Variants in FNDC3A observed in about 807,000 individuals in gnomAD.
FNDC3A encodes the protein fibronectin type III domain containing 3A.
FNDC3A carries 32 observed loss-of-function variants against 148.9 expected under a neutral mutation model. The ratio of observed to expected loss-of-function variants is 0.21; its 90% CI spans 0.16 to 0.29. The LOEUF is 0.29. FNDC3A is among the 10% of genes least tolerant of loss of function. FNDC3A has a pLI of 1.00. For missense variants in FNDC3A, 1,191 were observed against 1,452.8 expected (o/e 0.82, Z 2.93); for synonymous variants, 472 against 473.6 (o/e 1.00, Z 0.04).
intron 8 of FNDC3A, among the ~76,000 whole-genome samples, chr13:49,150,268 G>C (rs889440119): frequency 6.6e-6 from 1 of 151,710 alleles, no homozygotes; most frequent in Non-Finnish European, 1.5e-5. Context: ...ACTGCACCTG[G>C]CTGTCTGCTC....
intron 2 of FNDC3A, among the ~76,000 whole-genome samples, chr13:49,052,183 A>G (rs555586961): frequency 2.6e-4 from 40 of 152,160 alleles, no homozygotes; most frequent in African/African-American, 9.4e-4. Context: ...TTTTCTGGCA[A>G]TGCAGAGCTT....
At chr13:49,153,570 G>GT in intron 8 of FNDC3A, among the ~76,000 whole-genome samples, 1 of 152,308 alleles carries the variant, frequency 6.6e-6, no homozygotes, top group South Asian at 2.1e-4. Context: ...TGCTTTTGGT[G>GT]TTTTAGACAG....
rs957123610 is a variant in FNDC3A, at chr13:49,037,435, A to G, written c.99+31146A>G. ...CAAGGCACAGAGGATTTTCTCCTTT[A>G]TTATTGCTATCAACCACCAGCAAAC... is the stretch of plus-strand genomic sequence containing the variant. On this transcript the variant is annotated intron_variant, in intron 2 of 25. Transcript: ENST00000492622. Among the ~76,000 whole-genome samples, 5 of 152,298 alleles carry G rather than the reference A, an allele frequency of 3.3e-5. No homozygotes were observed. In the South Asian group the frequency reaches 1.0e-3, roughly 32 times the overall value.
At position 49,136,377 on chromosome 13, in the gene FNDC3A, C is replaced by G. The variant is rs1882358282; in HGVS notation, c.536C>G (p.Ser179Cys). Residue 179 changes from serine to cysteine, a missense_variant, in exon 6 of 26, where the codon TCT (serine) becomes TGT (cysteine). Ser to Cys is a moderately radical substitution (Grantham distance 112, BLOSUM62 -1). Transcript: ENST00000492622. ...HGRSNFRDER[S>C]SKTYERLQKK... Reference sequence around the variant, plus strand: ...AGGTCCAACTTTAGAGATGAACGATCTAGTAAAACATATGAACGTTTGCAG... The same window carrying G: ...AGGTCCAACTTTAGAGATGAACGATGTAGTAAAACATATGAACGTTTGCAG... 1 of 1,613,914 alleles carries G rather than the reference C, an allele frequency of 6.2e-7. No homozygotes were observed. Among genetic ancestry groups the G allele is most frequent in the Non-Finnish European group, 8.5e-7 (1 of 1,179,956 alleles).
intron 2 of FNDC3A, among the ~76,000 whole-genome samples, chr13:49,049,811 C>T (rs1362707674): frequency 1.3e-5 from 2 of 152,106 alleles, no homozygotes; most frequent in East Asian, 3.9e-4. Context: ...CCTCTGCCTC[C>T]CATGTTCAAG....
chr13:49,068,481 C>G (rs1044990292), intron 2 of FNDC3A, among the ~76,000 whole-genome samples: 2 of 152,112 alleles, frequency 1.3e-5, no homozygotes, highest in African/African-American at 4.8e-5. Flanking sequence ...GTGGAATCAA[C>G]CATTGTGGCG....
At chr13:49,049,190 T>C (rs1254065448) in intron 2 of FNDC3A, among the ~76,000 whole-genome samples, 2 of 152,232 alleles carry the variant, frequency 1.3e-5, no homozygotes, top group Non-Finnish European at 2.9e-5. Flanking sequence ...CTTTTTAATA[T>C]GATGTTGGAT....
intron 19 of FNDC3A, among the ~76,000 whole-genome samples, chr13:49,194,635 C>T (rs1886059539): frequency 6.6e-6 from 1 of 151,862 alleles, no homozygotes; most frequent in Non-Finnish European, 1.5e-5. Flanking sequence ...AGACTTTAAA[C>T]ATTTGATTTT....
At chr13:49,005,994 G>T (rs1196922991) in intron 1 of FNDC3A, among the ~76,000 whole-genome samples, 158 bp from the exon 2 acceptor site, 1 of 151,754 alleles carries the variant, frequency 6.6e-6, no homozygotes, top group Non-Finnish European at 1.5e-5. Flanking sequence ...TCCTTAAATG[G>T]CTTATTGATT....
rs372437012 is a variant in FNDC3A at position 49,187,034 on chromosome 13, C to A, written c.1757-88C>A. On this transcript the variant is annotated intron_variant, in intron 15 of 25. Coordinates refer to ENST00000492622, the MANE Select transcript of FNDC3A (RefSeq NM_001079673.2). The stretch of plus-strand genomic sequence containing the variant: ...TGCAGGTGATTTTTTTTTTTTAAAC[C>A]TAGTTTGGTATTCTGTTTATTAGGT... 4.6e-6 allele frequency: 4 copies of A among 876,104 alleles called. No individual in the cohort carries two copies. In the African/African-American group the frequency reaches 5.2e-5, roughly 11 times the overall value. The allele number at this position is 876,104 out of a possible 1,614,324, so 54.3% of individuals were successfully genotyped here.
chr13:49,100,404 C>T (rs927691520), intron 3 of FNDC3A, among the ~76,000 whole-genome samples: 3 of 152,094 alleles, frequency 2.0e-5, no homozygotes, highest in Non-Finnish European at 4.4e-5. Context: ...CACCAGAGCT[C>T]AGCCAGCCTG....
chr13:49,156,028 A>T (rs1210711742), intron 8 of FNDC3A, among the ~76,000 whole-genome samples: 1 of 121,888 alleles, frequency 8.2e-6, no homozygotes. Context: ...TGTAGATGTC[A>T]ATTAGGTCCG....
chr13:49,181,276 G>A (rs1320105611), intron 14 of FNDC3A, among the ~76,000 whole-genome samples: 1 of 152,212 alleles, frequency 6.6e-6, no homozygotes, highest in Non-Finnish European at 1.5e-5. Context: ...CTGGATAAAA[G>A]GAAGGGGGCT....
chr13:49,145,469 G>T (rs1200177998), intron 7 of FNDC3A, among the ~76,000 whole-genome samples: 1 of 152,072 alleles, frequency 6.6e-6, no homozygotes, highest in Non-Finnish European at 1.5e-5. Flanking sequence ...CATTTTCTAA[G>T]CTGAGGAAAT....
chr13:49,127,343 C>T (rs1881763273), intron 4 of FNDC3A, among the ~76,000 whole-genome samples: 2 of 152,176 alleles, frequency 1.3e-5, no homozygotes, highest in Admixed American at 1.3e-4. Flanking sequence ...TTTCTGTATT[C>T]CCCTTTGCAG....
chr13:49,058,122 G>T (rs945478482), intron 2 of FNDC3A, among the ~76,000 whole-genome samples: 1 of 152,068 alleles, frequency 6.6e-6, no homozygotes, highest in African/African-American at 2.4e-5. Context: ...GGCTTTATTC[G>T]GCTGGGAGCT....
At chr13:49,002,535 G>GC (rs1333174582) in intron 1 of FNDC3A, among the ~76,000 whole-genome samples, 1 of 151,900 alleles carries the variant, frequency 6.6e-6, no homozygotes, top group Non-Finnish European at 1.5e-5. Flanking sequence ...TCACATAATA[G>GC]CCCCCCAGGT....
intron 2 of FNDC3A, among the ~76,000 whole-genome samples, chr13:49,017,826 G>T (rs1040603550): frequency 6.6e-6 from 1 of 151,904 alleles, no homozygotes; most frequent in Non-Finnish European, 1.5e-5. Context: ...GCATTTGCTT[G>T]TCTGTAAAGT....
At chr13:49,192,891 A>G (rs1035045117) in intron 19 of FNDC3A, among the ~76,000 whole-genome samples, 2 of 152,212 alleles carry the variant, frequency 1.3e-5, no homozygotes, top group African/African-American at 2.4e-5. Context: ...ATAATGTACT[A>G]TAAGTACACT....
Sources: allele counts gnomAD v4.1 joint callset (sites outside exome capture counted in the v4.1 genomes callset), GRCh38; gene constraint gnomAD v4.1.1; transcripts MANE v1.5; gene names NCBI Gene and HGNC (gene_info 2026-07-23, HGNC 2026-07-21).